BACH2: variants seen among roughly 807,000 people sequenced by gnomAD.
The protein encoded by BACH2 is BACH transcriptional regulator 2, also known as transcription regulator protein BACH2.
Under a neutral mutation model 61.8 loss-of-function variants are expected in BACH2, and 5 were observed. The ratio of observed to expected loss-of-function variants is 0.08; its 90% CI spans 0.04 to 0.17. The LOEUF is 0.17. BACH2 is among the 10% of genes least tolerant of loss of function. BACH2 has a pLI of 1.00. For synonymous variants in BACH2, 446 were observed against 440.1 expected (o/e 1.01, Z -0.17); for missense variants, 824 against 1,091.1 (o/e 0.76, Z 3.45).
At chr6:90,099,389 A>T (rs1461226754) in intron 4 of BACH2, among the ~76,000 whole-genome samples, 2 of 151,646 alleles carry the variant, frequency 1.3e-5, no homozygotes, top group African/African-American at 2.4e-5. Context: ...CTTTTGTTTT[A>T]TTTTTTTTAG....
intron 6 of BACH2, among the ~76,000 whole-genome samples, chr6:89,955,171 G>A (rs1248211821): frequency 6.6e-6 from 1 of 152,196 alleles, no homozygotes; most frequent in African/African-American, 2.4e-5. Flanking sequence ...TTTATCCATG[G>A]TCAGTGCTAG....
intron 1 of BACH2, among the ~76,000 whole-genome samples, chr6:90,293,290 C>A (rs1772238406): frequency 6.6e-6 from 1 of 152,232 alleles, no homozygotes; most frequent in South Asian, 2.1e-4. Flanking sequence ...ATGTCACACC[C>A]CTGAAATCTG....
chr6:90,249,831 C>A (rs1054592305), intron 3 of BACH2, among the ~76,000 whole-genome samples: 1 of 152,102 alleles, frequency 6.6e-6, no homozygotes, highest in Non-Finnish European at 1.5e-5. Flanking sequence ...AGCATTTTAT[C>A]CAGAAGCAAG....
chr6:90,070,445 T>C (rs1781171102), intron 5 of BACH2, among the ~76,000 whole-genome samples: 1 of 152,138 alleles, frequency 6.6e-6, no homozygotes, highest in Non-Finnish European at 1.5e-5. Context: ...CTTTATCCTG[T>C]AGCCTGTGGC....
intron 4 of BACH2, among the ~76,000 whole-genome samples, chr6:90,184,091 T>A (rs993217778): frequency 2.0e-5 from 3 of 152,206 alleles, no homozygotes; most frequent in African/African-American, 7.2e-5. Flanking sequence ...AGGGTTCTTA[T>A]GAGTTGTTTA....
chr6:90,111,106 T>C (rs1783148822), intron 4 of BACH2, among the ~76,000 whole-genome samples: 1 of 152,160 alleles, frequency 6.6e-6, no homozygotes, highest in Non-Finnish European at 1.5e-5. Context: ...GCAGTGCACG[T>C]CAATACTGCG....
intron 4 of BACH2, among the ~76,000 whole-genome samples, chr6:90,189,284 A>G (rs1768470532): frequency 6.6e-6 from 1 of 152,192 alleles, no homozygotes; most frequent in African/African-American, 2.4e-5. Flanking sequence ...ATGTTGTTTC[A>G]GTATAGTGAA....
chr6:90,176,755 T>C (rs1767996117), intron 4 of BACH2, among the ~76,000 whole-genome samples: 1 of 152,184 alleles, frequency 6.6e-6, no homozygotes, highest in African/African-American at 2.4e-5. Flanking sequence ...AATGCCCTCA[T>C]TATGTCTTAC....
chr6:90,119,296 C>G (rs1783527598), intron 4 of BACH2, among the ~76,000 whole-genome samples: 1 of 152,178 alleles, frequency 6.6e-6, no homozygotes. Context: ...GGGCCCAGCT[C>G]TGTCTTTACC....
intron 5 of BACH2, among the ~76,000 whole-genome samples, chr6:90,019,000 A>G (rs1245582000): frequency 6.6e-6 from 1 of 152,154 alleles, no homozygotes; most frequent in African/African-American, 2.4e-5. Flanking sequence ...GGATTTTCTT[A>G]TCTCCCATAT....
intron 4 of BACH2, among the ~76,000 whole-genome samples, chr6:90,163,729 T>A (rs1015830364): frequency 5.9e-5 from 9 of 152,212 alleles, no homozygotes; most frequent in African/African-American, 2.2e-4. Flanking sequence ...ACAGCTTAGT[T>A]TCCCAGAGAG....
intron 4 of BACH2, among the ~76,000 whole-genome samples, chr6:90,156,924 GAGA>G (rs1785013769): frequency 6.6e-6 from 1 of 152,334 alleles, no homozygotes; most frequent in South Asian, 2.1e-4. Flanking sequence ...AGCATCCAGA[GAGA>G]AGAAGGGATG....
chr6:90,277,986 T>C (rs1379707473), intron 1 of BACH2, among the ~76,000 whole-genome samples: 1 of 152,226 alleles, frequency 6.6e-6, no homozygotes, highest in Admixed American at 6.5e-5. Flanking sequence ...GGCAAGATAA[T>C]ATTATCAGTT....
chr6:89,981,133 C>CT (rs35955706), intron 6 of BACH2, among the ~76,000 whole-genome samples: 13,660 of 138,962 alleles, frequency 0.098, 663 homozygotes, highest in African/African-American at 0.12. Flanking sequence ...TCGTGATTCG[C>CT]TTTTTTTTTT....
Position 89,967,951 on chromosome 6 carries a change from C to T in BACH2, c.244-16089G>A, listed in dbSNP as rs550565390. Among the ~76,000 whole-genome samples the T allele has an allele frequency of 2.6e-5, 4 of 152,316 alleles. 1 individual carries two copies. In the South Asian group the frequency reaches 8.3e-4, roughly 32 times the overall value. On this transcript the variant is annotated intron_variant, in intron 6 of 8. Coordinates refer to ENST00000257749, the MANE Select transcript of BACH2 (RefSeq NM_021813.4). Reference sequence around the variant, plus strand: ...CCTGGTTTAGAAAGCAAACCTGATTCTCTCCTGCCTGGCCTTCCAAATTTC... The same window carrying T: ...CCTGGTTTAGAAAGCAAACCTGATTTTCTCCTGCCTGGCCTTCCAAATTTC...
chr6:90,260,088 C>T (rs192067044), intron 2 of BACH2, among the ~76,000 whole-genome samples: 10 of 151,962 alleles, frequency 6.6e-5, no homozygotes, highest in Admixed American at 4.6e-4. Flanking sequence ...TTTCCTTCTA[C>T]TAATCTGGTT....
chr6:90,009,194 T>C (rs1261029184), intron 5 of BACH2, among the ~76,000 whole-genome samples: 2 of 152,252 alleles, frequency 1.3e-5, no homozygotes, highest in Non-Finnish European at 2.9e-5. Context: ...CTGATTTTGT[T>C]AGTAGGCTGA....
intron 3 of BACH2, among the ~76,000 whole-genome samples, chr6:90,210,092 A>G (rs964808830): frequency 1.3e-5 from 2 of 152,130 alleles, no homozygotes; most frequent in Non-Finnish European, 2.9e-5. Context: ...TGTACAATGC[A>G]CTTTTATATA....
intron 3 of BACH2, among the ~76,000 whole-genome samples, chr6:90,251,410 A>G (rs940750511): frequency 6.6e-6 from 1 of 152,176 alleles, no homozygotes; most frequent in Non-Finnish European, 1.5e-5. Flanking sequence ...GAAACTGTAA[A>G]TATTTTTAGC....
Sources: gnomAD v4.1 joint callset for allele counts (sites outside exome capture counted in the v4.1 genomes callset) on GRCh38, gnomAD v4.1.1 for gene constraint, MANE v1.5 for transcripts, NCBI Gene and HGNC (gene_info 2026-07-23, HGNC 2026-07-21) for gene names.